XKR4: variants seen among roughly 807,000 people sequenced by gnomAD.
XKR4 encodes the protein XK related 4.
In XKR4, 12 loss-of-function variants were observed where a neutral mutation model predicts 53.9. The ratio of observed to expected loss-of-function variants is 0.22; its 90% CI spans 0.14 to 0.36. The LOEUF (loss-of-function observed/expected upper bound fraction) is 0.36, where lower values mean the gene tolerates loss of function less well. XKR4 is among the 10% of genes least tolerant of loss of function. XKR4 has a pLI of 1.00. For synonymous variants in XKR4, 354 were observed against 362.4 expected (o/e 0.98, Z 0.26); for missense variants, 799 against 859.5 (o/e 0.93, Z 0.88).
intron 1 of XKR4, among the ~76,000 whole-genome samples, chr8:55,125,519 C>A (rs934402332): frequency 1.3e-5 from 2 of 152,234 alleles, no homozygotes; most frequent in African/African-American, 4.8e-5. Flanking sequence ...CAGGCATGAG[C>A]CACCATGCCC....
chr8:55,133,191 T>A (rs1193923986), intron 1 of XKR4, among the ~76,000 whole-genome samples: 3 of 151,802 alleles, frequency 2.0e-5, no homozygotes, highest in African/African-American at 4.9e-5. Flanking sequence ...CACAAACTTA[T>A]GGAAAAGCAG....
chr8:55,424,291 C>A (rs1321572278), intron 2 of XKR4, among the ~76,000 whole-genome samples: 2 of 152,218 alleles, frequency 1.3e-5, no homozygotes, highest in African/African-American at 2.4e-5. Context: ...GACACACAGG[C>A]AGGGTGCCAA....
intron 1 of XKR4, among the ~76,000 whole-genome samples, chr8:55,157,605 G>A (rs1306043373): frequency 2.0e-5 from 3 of 152,062 alleles, no homozygotes; most frequent in South Asian, 2.1e-4. Context: ...TGGGTATACA[G>A]ATTATTTCAT....
At chr8:55,449,461 G>T (rs1206017483) in intron 2 of XKR4, 1 of 912,074 alleles carries the variant, frequency 1.1e-6, no homozygotes, top group African/African-American at 1.6e-5. Context: ...CCCACCCCTA[G>T]TGGTCGGTAA....
Position 55,532,796 on chromosome 8 carries a change from C to CAAAAAAAA in XKR4, c.*8586_*8593dup, listed in dbSNP as rs11313216. On this transcript the variant is annotated 3_prime_UTR_variant, in exon 3 of 3. Transcript: ENST00000327381. ...TGGGTGACAGAGCAAGACTCCGTCT[C>CAAAAAAAA]AAAAAAAAAAAAAAAAAAAAAAAAG... The CAAAAAAAA allele has an allele frequency of 5.6e-5, 4 of 70,952 alleles. No homozygotes were observed. Among genetic ancestry groups the CAAAAAAAA allele is most frequent in the East Asian group, 8.6e-4 (2 of 2,318 alleles). The allele number at this position is 70,952 out of a possible 1,614,324, so 4.4% of individuals were successfully genotyped here.
At chr8:55,230,752 C>G (rs1217070945) in intron 1 of XKR4, among the ~76,000 whole-genome samples, 1 of 152,178 alleles carries the variant, frequency 6.6e-6, no homozygotes, top group Non-Finnish European at 1.5e-5. Context: ...ATAATAATAA[C>G]TGGAAATAAT....
rs182763792 is a variant in XKR4, at chr8:55,529,358, T to A, written c.*5131T>A. ...ATGTCCTTGAAATATTTTCGTAATA[T>A]ACTGACAGCCTAATGTCAGAAACGA... is the stretch of plus-strand genomic sequence containing the variant. On this transcript the variant is annotated 3_prime_UTR_variant, in exon 3 of 3. Transcript: ENST00000327381. 2.8e-4 allele frequency: 42 copies of A among 152,278 alleles called. No homozygotes were observed. Among genetic ancestry groups the A allele is most frequent in the African/African-American group, 9.9e-4 (41 of 41,546 alleles). 9.4% of individuals were successfully genotyped at this position (152,278 alleles called of 1,614,324 possible).
rs151330611 is a variant in XKR4 at position 55,154,622 on chromosome 8, T to C, written c.806+51328T>C. Among the ~76,000 whole-genome samples the C allele has an allele frequency of 1.2e-4, 19 of 152,322 alleles. No homozygotes were observed. The East Asian group carries it at 3.7e-3, about 29-fold the overall frequency. ...TGGGCTTTAGACTTTGACAACATTC[T>C]TTGTATATTCTTGGTACTGGGCAAA... is the stretch of plus-strand genomic sequence containing the variant. On this transcript the variant is annotated intron_variant, in intron 1 of 2. Coordinates refer to ENST00000327381, the MANE Select transcript of XKR4 (RefSeq NM_052898.2).
chr8:55,219,897 T>C (rs1426632148), intron 1 of XKR4, among the ~76,000 whole-genome samples: 7 of 152,196 alleles, frequency 4.6e-5, no homozygotes, highest in African/African-American at 1.7e-4. Context: ...GTTTCACATA[T>C]ATATACTCCA....
intron 2 of XKR4, chr8:55,452,602 T>A: frequency 1.9e-6 from 2 of 1,055,666 alleles, no homozygotes; most frequent in Non-Finnish European, 2.9e-6. Flanking sequence ...AGGGTCTTAA[T>A]GTTTATCTGG....
chr8:55,307,406 C>T (rs894765659), intron 1 of XKR4, among the ~76,000 whole-genome samples: 1 of 152,168 alleles, frequency 6.6e-6, no homozygotes, highest in African/African-American at 2.4e-5. Context: ...TCTCCCAATA[C>T]TTTGGGAGGC....
chr8:55,384,252 CT>C (rs1475050235), intron 2 of XKR4, among the ~76,000 whole-genome samples: 1 of 152,170 alleles, frequency 6.6e-6, no homozygotes, highest in African/African-American at 2.4e-5. Context: ...GGAGTCGGGT[CT>C]TCCTTCAGGC....
intron 1 of XKR4, among the ~76,000 whole-genome samples, chr8:55,264,760 T>C (rs902354604): frequency 1.6e-4 from 24 of 152,228 alleles, no homozygotes; most frequent in African/African-American, 5.3e-4. Context: ...AATGCATCAA[T>C]ATGGTCATTA....
At chr8:55,513,732 A>G (rs1806665851) in intron 2 of XKR4, among the ~76,000 whole-genome samples, 1 of 152,232 alleles carries the variant, frequency 6.6e-6, no homozygotes, top group South Asian at 2.1e-4. Context: ...GCTTTCATGC[A>G]GACAGCACCA....
chr8:55,449,822 C>T, intron 2 of XKR4: 1 of 1,188,598 alleles, frequency 8.4e-7, no homozygotes, highest in Admixed American at 1.7e-5. Context: ...GTACAGAGTG[C>T]CCTCGTAGGA....
chr8:55,458,984 G>A (rs1235246983), intron 2 of XKR4, among the ~76,000 whole-genome samples: 2 of 152,180 alleles, frequency 1.3e-5, no homozygotes. Context: ...TTTCTACCTA[G>A]TACCTCCTAC....
chr8:55,290,130 ATTTTT>A (rs1203712190), intron 1 of XKR4, among the ~76,000 whole-genome samples: 1 of 137,902 alleles, frequency 7.3e-6, no homozygotes, highest in Non-Finnish European at 1.6e-5. Context: ...CTTTAATTTA[ATTTTT>A]TTTTTTTTTT....
rs1338100214 is a variant in XKR4 at position 55,197,237 on chromosome 8, C to G, written c.806+93943C>G. On this transcript the variant is annotated intron_variant, in intron 1 of 2. Transcript: ENST00000327381. Reference sequence around the variant, plus strand: ...TCAGCCATTTCCATATATCTATAATCTGATTCTCTCCTGCTTTGTGATTCT... The same window carrying G: ...TCAGCCATTTCCATATATCTATAATGTGATTCTCTCCTGCTTTGTGATTCT... Among the ~76,000 whole-genome samples the G allele has an allele frequency of 2.0e-5, 3 of 152,160 alleles. 1 individual carries two copies. Among genetic ancestry groups the G allele is most frequent in the African/African-American group, 7.2e-5 (3 of 41,434 alleles).
intron 1 of XKR4, chr8:55,135,559 T>C (rs1816614231): frequency 2.2e-6 from 1 of 455,018 alleles, no homozygotes; most frequent in South Asian, 1.6e-5. Flanking sequence ...GTCCAACATG[T>C]CCATTGCTTT....
Sources: allele counts gnomAD v4.1 joint callset (sites outside exome capture counted in the v4.1 genomes callset), GRCh38; gene constraint gnomAD v4.1.1; transcripts MANE v1.5; gene names NCBI Gene and HGNC (gene_info 2026-07-23, HGNC 2026-07-21).